ZFAND6: variants seen among roughly 807,000 people sequenced by gnomAD.
The protein encoded by ZFAND6 is AN1-type zinc finger protein 6.
A neutral mutation model predicts 24.5 loss-of-function variants in ZFAND6; 12 were observed. That is an observed-to-expected ratio of 0.49 (90% CI 0.31 to 0.79). The LOEUF is 0.79. ZFAND6 is among the 30% of genes least tolerant of loss of function. The pLI, the probability that ZFAND6 is intolerant of heterozygous loss-of-function variation, is 0.04. For missense variants in ZFAND6, 207 were observed against 245.9 expected, an observed-to-expected ratio of 0.84 and a Z score of 1.06; for synonymous variants, 92 against 81.5, an observed-to-expected ratio of 1.13 and a Z score of -0.69.
chr15:80,126,008 A>G (rs1331364855), intron 5 of ZFAND6, among the ~76,000 whole-genome samples: 1 of 152,226 alleles, frequency 6.6e-6, no homozygotes, highest in African/African-American at 2.4e-5. Flanking sequence ...CTAGAGTAAG[A>G]GAGAATTTTG....
chr15:80,065,455 TC>T (rs2036571026), intron 1 of ZFAND6, among the ~76,000 whole-genome samples: 1 of 151,204 alleles, frequency 6.6e-6, no homozygotes, highest in African/African-American at 2.4e-5. Flanking sequence ...CTCCCCCCCA[TC>T]CCCCTTTTTT....
At chr15:80,127,789 T>C (rs919395152) in intron 5 of ZFAND6, among the ~76,000 whole-genome samples, 2 of 152,096 alleles carry the variant, frequency 1.3e-5, no homozygotes, top group African/African-American at 4.8e-5. Context: ...AACAATCTCC[T>C]AGCTCCACAA....
At chr15:80,130,214 A>C (rs963752965) in intron 5 of ZFAND6, 2 of 152,356 alleles carry the variant, frequency 1.3e-5, no homozygotes, top group East Asian at 1.9e-4. Context: ...TCAGAGTGAG[A>C]AGCTACAGAG....
intron 1 of ZFAND6, among the ~76,000 whole-genome samples, chr15:80,069,451 C>T (rs949284024): frequency 1.3e-5 from 2 of 151,976 alleles, no homozygotes; most frequent in Non-Finnish European, 2.9e-5. Context: ...TGTATGTTTC[C>T]TTAATGTTTC....
intron 2 of ZFAND6, among the ~76,000 whole-genome samples, chr15:80,105,380 GA>G (rs2039268681): frequency 6.6e-6 from 1 of 152,112 alleles, no homozygotes; most frequent in Non-Finnish European, 1.5e-5. Flanking sequence ...GAACTTTTAT[GA>G]ACCTGCCCTT....
chr15:80,111,612 G>A (rs2039615501), intron 2 of ZFAND6: 1 of 400,678 alleles, frequency 2.5e-6, no homozygotes, highest in Non-Finnish European at 5.0e-6. Context: ...TAAGTATATA[G>A]TGATATATTG....
intron 1 of ZFAND6, among the ~76,000 whole-genome samples, chr15:80,081,321 G>A (rs1039412237): frequency 6.6e-6 from 1 of 152,106 alleles, no homozygotes; most frequent in Non-Finnish European, 1.5e-5. Context: ...TCCTTTTCTG[G>A]AGGAAACTCA....
At chr15:80,065,180 T>G (rs987247421) in intron 1 of ZFAND6, among the ~76,000 whole-genome samples, 8 of 152,172 alleles carry the variant, frequency 5.3e-5, no homozygotes, top group African/African-American at 1.9e-4. Context: ...ACATCTGTCT[T>G]TTTCTGTTCA....
chr15:80,074,124 A>G (rs527299541), intron 1 of ZFAND6, among the ~76,000 whole-genome samples: 1 of 151,930 alleles, frequency 6.6e-6, no homozygotes, highest in Non-Finnish European at 1.5e-5. Flanking sequence ...AAGTGTGCCT[A>G]TGGAGCTCTC....
intron 1 of ZFAND6, among the ~76,000 whole-genome samples, chr15:80,071,441 T>G (rs551154995): frequency 1.3e-5 from 2 of 152,300 alleles, no homozygotes; most frequent in South Asian, 4.1e-4. Flanking sequence ...TAAATGCCAT[T>G]TAATCAGTCA....
intron 5 of ZFAND6, chr15:80,130,365 T>C (rs2040544724): frequency 6.6e-6 from 1 of 151,726 alleles, no homozygotes; most frequent in African/African-American, 2.4e-5. Context: ...TGTAGATTAA[T>C]GGAGCAGTGG....
Position 80,072,050 on chromosome 15 carries a change from G to C in ZFAND6, c.-181+12241G>C, listed in dbSNP as rs576015833. Among the ~76,000 whole-genome samples the C allele has an allele frequency of 9.9e-5, 15 of 152,106 alleles. No homozygotes were observed. The East Asian group carries it at 2.9e-3, about 29-fold the overall frequency. ...TGAATCTTTTGCATTCAGTATTTTA[G>C]TGCTGTATATTTTCACTTAAGTTAT... On this transcript the variant is annotated intron_variant, in intron 1 of 6. Transcript: ENST00000261749.
intron 1 of ZFAND6, among the ~76,000 whole-genome samples, chr15:80,064,995 T>G (rs1382609047): frequency 9.4e-6 from 1 of 106,726 alleles, no homozygotes. Context: ...GCTCTCTCTC[T>G]CTCCCCCTTT....
At chr15:80,076,904 A>G (rs1306865224) in intron 1 of ZFAND6, among the ~76,000 whole-genome samples, 1 of 151,204 alleles carries the variant, frequency 6.6e-6, no homozygotes, top group Non-Finnish European at 1.5e-5. Context: ...GGAAACAAAC[A>G]TTAAAAAAAA....
At chr15:80,109,253 A>C (rs543676401) in intron 2 of ZFAND6, among the ~76,000 whole-genome samples, 1 of 152,220 alleles carries the variant, frequency 6.6e-6, no homozygotes, top group Non-Finnish European at 1.5e-5. Context: ...ACCAAGCATT[A>C]TTCAAAGCAT....
chr15:80,076,724 A>G (rs1236163410), intron 1 of ZFAND6, among the ~76,000 whole-genome samples: 1 of 152,204 alleles, frequency 6.6e-6, no homozygotes, highest in South Asian at 2.1e-4. Flanking sequence ...GAGGTTTGTC[A>G]GACTGGAAGT....
chr15:80,079,191 A>G (rs1169131568), intron 1 of ZFAND6, among the ~76,000 whole-genome samples: 2 of 151,832 alleles, frequency 1.3e-5, no homozygotes, highest in Non-Finnish European at 2.9e-5. Flanking sequence ...ATTTTCTCCT[A>G]TTCTGTAGAT....
At chr15:80,091,501 A>G (rs1430093717) in intron 1 of ZFAND6, among the ~76,000 whole-genome samples, 1 of 152,222 alleles carries the variant, frequency 6.6e-6, no homozygotes, top group Non-Finnish European at 1.5e-5. Context: ...GTTAATTTTT[A>G]TAATGTTATG....
chr15:80,067,761 C>T (rs1475303808), intron 1 of ZFAND6, among the ~76,000 whole-genome samples: 2 of 151,924 alleles, frequency 1.3e-5, no homozygotes, highest in East Asian at 3.8e-4. Context: ...TAATGGCTAC[C>T]ATATTTTATT....
Sources: gnomAD v4.1 joint callset for allele counts (sites outside exome capture counted in the v4.1 genomes callset) on GRCh38, gnomAD v4.1.1 for gene constraint, MANE v1.5 for transcripts, NCBI Gene and HGNC (gene_info 2026-07-23, HGNC 2026-07-21) for gene names.